FMNL2: variants seen among roughly 807,000 people sequenced by gnomAD.
The protein encoded by FMNL2 is formin-like protein 2.
A neutral mutation model predicts 130.2 loss-of-function variants in FMNL2; 51 were observed. The ratio of observed to expected loss-of-function variants is 0.39; its 90% CI spans 0.31 to 0.49. FMNL2 has a LOEUF of 0.49. Among genes scored for constraint, FMNL2 ranks in the 20% least tolerant of loss-of-function variants. The pLI, the probability that FMNL2 is intolerant of heterozygous loss-of-function variation, is 0.85. For synonymous variants in FMNL2, 465 were observed against 467.1 expected (o/e 1.00, Z 0.06); for missense variants, 977 against 1,316.2 (o/e 0.74, Z 3.99).
chr2:152,433,939 A>G lies in FMNL2; in HGVS notation c.118-88004A>G, dbSNP rs545301196. Among the ~76,000 whole-genome samples, 61 of 152,290 alleles carry G rather than the reference A, an allele frequency of 4.0e-4. 1 individual carries two copies. In the South Asian group the frequency reaches 5.6e-3, roughly 14 times the overall value. On this transcript the variant is annotated intron_variant, in intron 1 of 25. Coordinates refer to ENST00000288670, the MANE Select transcript of FMNL2 (RefSeq NM_052905.4). ...CTGTAGCTTTGAAAATCTCAAATGC[A>G]AGGCCAAACAACGAATTATTATTAA...
intron 15 of FMNL2, 126 bp downstream of exon 15, chr2:152,619,844 A>G: frequency 1.4e-6 from 2 of 1,473,222 alleles, no homozygotes; most frequent in Non-Finnish European, 1.8e-6. Flanking sequence ...AGTATAAGAA[A>G]TTCCTGCTGA....
chr2:152,485,713 G>A (rs1387647293), intron 1 of FMNL2, among the ~76,000 whole-genome samples: 1 of 152,178 alleles, frequency 6.6e-6, no homozygotes, highest in Non-Finnish European at 1.5e-5. Context: ...AGTACTCCAT[G>A]AAGGTGAAAG....
At chr2:152,619,849 T>A (rs1699157780) in intron 15 of FMNL2, 131 bp downstream of exon 15, 1 of 1,469,882 alleles carries the variant, frequency 6.8e-7, no homozygotes, top group African/African-American at 1.4e-5. Context: ...AAGAAATTCC[T>A]GCTGATGTAG....
intron 2 of FMNL2, among the ~76,000 whole-genome samples, chr2:152,531,854 G>T (rs188192826): frequency 6.6e-6 from 1 of 152,272 alleles, no homozygotes; most frequent in Non-Finnish European, 1.5e-5. Context: ...TGTTGCTTTA[G>T]TTTTTATGTT....
intron 1 of FMNL2, among the ~76,000 whole-genome samples, chr2:152,415,681 A>T (rs73967990): frequency 0.13 from 20,186 of 152,064 alleles, 1,557 homozygotes; most frequent in East Asian, 0.19. Flanking sequence ...TACTCCTAGG[A>T]TATTAAGTTT....
chr2:152,565,786 C>T (rs1023619735), intron 6 of FMNL2, among the ~76,000 whole-genome samples: 3 of 151,864 alleles, frequency 2.0e-5, no homozygotes, highest in Non-Finnish European at 4.4e-5. Flanking sequence ...ATGATGATGA[C>T]GATGATTTTT....
At chr2:152,534,891 G>C (rs1693909393) in intron 2 of FMNL2, among the ~76,000 whole-genome samples, 1 of 152,176 alleles carries the variant, frequency 6.6e-6, no homozygotes, top group Non-Finnish European at 1.5e-5. Flanking sequence ...GGAACACTTG[G>C]AAAGTTGTCC....
intron 1 of FMNL2, among the ~76,000 whole-genome samples, chr2:152,468,705 A>G (rs1206261578): frequency 6.6e-6 from 1 of 152,238 alleles, no homozygotes; most frequent in Non-Finnish European, 1.5e-5. Context: ...TGTAGCTACT[A>G]GAAAATTTAA....
intron 2 of FMNL2, among the ~76,000 whole-genome samples, chr2:152,539,601 T>C (rs1055186131): frequency 1.3e-5 from 2 of 152,216 alleles, no homozygotes; most frequent in African/African-American, 4.8e-5. Context: ...ATGAAGAATA[T>C]GTGGAATACA....
At position 152,483,904 on chromosome 2, in the gene FMNL2, A is replaced by G. The variant is rs114962170; in HGVS notation, c.118-38039A>G. On this transcript the variant is annotated intron_variant, in intron 1 of 25. Coordinates refer to ENST00000288670, the MANE Select transcript of FMNL2 (RefSeq NM_052905.4). Reference sequence around the variant, plus strand: ...GGGAAAAAAACCCAAACAACCTATGATCCAGGATCCTGTTTTTGTCTAAGG... The same window carrying G: ...GGGAAAAAAACCCAAACAACCTATGGTCCAGGATCCTGTTTTTGTCTAAGG... Among the ~76,000 whole-genome samples the G allele has an allele frequency of 9.6e-3, 1,461 of 152,318 alleles. 26 individuals are homozygous for G. The highest frequency in any genetic ancestry group is 0.034 in the African/African-American group (1,394 of 41,552).
At chr2:152,442,199 C>G (rs1015287112) in intron 1 of FMNL2, among the ~76,000 whole-genome samples, 1 of 151,982 alleles carries the variant, frequency 6.6e-6, no homozygotes, top group Non-Finnish European at 1.5e-5. Flanking sequence ...TATCAGTTCC[C>G]TTAATGAGCC....
intron 1 of FMNL2, among the ~76,000 whole-genome samples, chr2:152,495,653 C>CAAAAAAAGAAAAAAAAA (rs1691469097): frequency 2.1e-5 from 1 of 48,546 alleles, no homozygotes; most frequent in East Asian, 5.6e-4. Flanking sequence ...TCCGTCTCAC[C>CAAAAAAAGAAAAAAAAA]AAAAAAAAAA....
chr2:152,420,701 G>T (rs1373382240), intron 1 of FMNL2, among the ~76,000 whole-genome samples: 1 of 152,212 alleles, frequency 6.6e-6, no homozygotes, highest in East Asian at 1.9e-4. Flanking sequence ...TTAATGTGGA[G>T]ATCTGCAGAC....
At chr2:152,468,087 T>A (rs1344138640) in intron 1 of FMNL2, among the ~76,000 whole-genome samples, 1 of 152,238 alleles carries the variant, frequency 6.6e-6, no homozygotes, top group Non-Finnish European at 1.5e-5. Context: ...AGGAATTGGT[T>A]TAGCCCCTGA....
chr2:152,367,900 A>G (rs1342845635), intron 1 of FMNL2, among the ~76,000 whole-genome samples: 1 of 151,938 alleles, frequency 6.6e-6, no homozygotes, highest in African/African-American at 2.4e-5. Flanking sequence ...ACGCCACACC[A>G]CTCTGCGGTT....
At chr2:152,360,631 T>C (rs1033807839) in intron 1 of FMNL2, among the ~76,000 whole-genome samples, 1 of 152,228 alleles carries the variant, frequency 6.6e-6, no homozygotes, top group Non-Finnish European at 1.5e-5. Context: ...TGCTAAAATA[T>C]ATTTTACATT....
rs79548218 is a variant in FMNL2, at chr2:152,416,339, A to G, written c.117+80619A>G. Among the ~76,000 whole-genome samples, 736 of 152,298 alleles carry G rather than the reference A, an allele frequency of 4.8e-3. 14 individuals are homozygous for G. In the East Asian group the frequency reaches 0.073, roughly 15 times the overall value. The stretch of plus-strand genomic sequence containing the variant: ...CCACATTTCTGGAATTGACTTGGGA[A>G]GTGGTGTTCACTTCTTTTATCAAAG... On this transcript the variant is annotated intron_variant, in intron 1 of 25. Coordinates refer to ENST00000288670, the MANE Select transcript of FMNL2 (RefSeq NM_052905.4).
In FMNL2 at chr2:152,390,161, G is replaced by T. The variant is rs35174814; in HGVS notation, c.117+54441G>T. On this transcript the variant is annotated intron_variant, in intron 1 of 25. Transcript: ENST00000288670. ...GGGCAGACCTGCCCAATTACTGCTG[G>T]ACCCAGAGCCTGTCGGAGCTGGACC... 5.3e-4 allele frequency: 671 copies of T among 1,273,016 alleles called. 4 individuals carry two copies. The Admixed American group carries it at 6.4e-3, about 12-fold the overall frequency. The allele number at this position is 1,273,016 out of a possible 1,614,324, so 78.9% of individuals were successfully genotyped here. A position where few individuals can be genotyped will look rare whatever the true frequency, so the allele number is the denominator to read the frequency against.
intron 1 of FMNL2, among the ~76,000 whole-genome samples, chr2:152,479,713 GGGTT>G (rs1436939902): frequency 7.8e-6 from 1 of 128,718 alleles, no homozygotes; most frequent in Non-Finnish European, 1.5e-5. Context: ...TGGATGTTGT[GGGTT>G]GTTTTTTTTT....
Sources: allele counts gnomAD v4.1 joint callset (sites outside exome capture counted in the v4.1 genomes callset), GRCh38; gene constraint gnomAD v4.1.1; transcripts MANE v1.5; gene names NCBI Gene and HGNC (gene_info 2026-07-23, HGNC 2026-07-21).